Variants in CADPS2 observed in about 807,000 individuals in gnomAD.
The protein encoded by CADPS2 is calcium-dependent secretion activator 2.
In CADPS2, 93 loss-of-function variants were observed where a neutral mutation model predicts 172.5. The observed-to-expected ratio is 0.54, with a 90% CI of 0.46 to 0.64. CADPS2 has a LOEUF of 0.64. Among genes scored for constraint, CADPS2 ranks in the 30% least tolerant of loss-of-function variants. The probability of loss-of-function intolerance (pLI) is 0.00; values close to 1 mark genes in which losing one functional copy is unlikely to be tolerated. For synonymous variants in CADPS2, 546 were observed against 555.2 expected, an observed-to-expected ratio of 0.98 and a Z score of 0.23; for missense variants, 1,420 against 1,565.9, an observed-to-expected ratio of 0.91 and a Z score of 1.57.
At chr7:122,783,333 T>C (rs1319342153) in intron 1 of CADPS2, among the ~76,000 whole-genome samples, 1 of 152,186 alleles carries the variant, frequency 6.6e-6, no homozygotes, top group Non-Finnish European at 1.5e-5. Flanking sequence ...ATTTTATTCC[T>C]TCCATCTTAC....
intron 15 of CADPS2, among the ~76,000 whole-genome samples, chr7:122,450,520 C>T (rs2052928365): frequency 1.6e-5 from 2 of 126,212 alleles, no homozygotes; most frequent in Admixed American, 8.2e-5. Context: ...GTATTGGTGG[C>T]CTTTTTTTTT....
chr7:122,600,261 A>C (rs1386414933), intron 6 of CADPS2, among the ~76,000 whole-genome samples: 1 of 152,104 alleles, frequency 6.6e-6, no homozygotes, highest in Non-Finnish European at 1.5e-5. Context: ...TCAAAGCAAC[A>C]AAGCTAAGCT....
chr7:122,544,855 C>T (rs563430198), intron 8 of CADPS2, among the ~76,000 whole-genome samples: 29 of 152,230 alleles, frequency 1.9e-4, no homozygotes, highest in African/African-American at 7.0e-4. Context: ...TTTATGTGAT[C>T]AACCTACCAT....
At chr7:122,702,436 G>A (rs202050897) in intron 2 of CADPS2, 97 of 1,613,708 alleles carry the variant, frequency 6.0e-5, no homozygotes, top group African/African-American at 1.9e-4. Flanking sequence ...CTCCACGTTC[G>A]ATGAGGGCCA....
intron 18 of CADPS2, 87 bp from the exon 19 acceptor site, chr7:122,414,163 T>C (rs2047622505): frequency 1.1e-6 from 1 of 903,318 alleles, no homozygotes; most frequent in Non-Finnish European, 1.6e-6. Flanking sequence ...GTCATCATAA[T>C]AGTCCTATAT....
chr7:122,541,779 A>T lies in CADPS2; in HGVS notation c.1475+12771T>A, dbSNP rs892486794. Among the ~76,000 whole-genome samples, 26 of 141,962 alleles carry T rather than the reference A, an allele frequency of 1.8e-4. No individual in the cohort carries two copies. In the Admixed American group the frequency reaches 1.9e-3, roughly 10 times the overall value. The allele number at this position is 141,962 out of a possible 152,430, so 93.1% of individuals were successfully genotyped here. A position where few individuals can be genotyped will look rare whatever the true frequency, so the allele number is the denominator to read the frequency against. ...TTCATATATTTATATATTCACATAT[A>T]TTCATATATTTATATATTCATATAT... On this transcript the variant is annotated intron_variant, in intron 8 of 29. Coordinates refer to ENST00000449022, the MANE Select transcript of CADPS2 (RefSeq NM_017954.11).
At chr7:122,656,436 A>C (rs968752009) in intron 3 of CADPS2, among the ~76,000 whole-genome samples, 2 of 152,106 alleles carry the variant, frequency 1.3e-5, no homozygotes, top group Non-Finnish European at 2.9e-5. Context: ...AAAAACAAAA[A>C]ACAGAGAGAA....
chr7:122,765,815 AGG>A (rs2093531287), intron 1 of CADPS2, among the ~76,000 whole-genome samples: 2 of 152,148 alleles, frequency 1.3e-5, no homozygotes, highest in African/African-American at 4.8e-5. Context: ...TACTCCAGTT[AGG>A]TGACATTGCC....
chr7:122,418,114 G>C (rs1274376547), intron 17 of CADPS2, among the ~76,000 whole-genome samples: 2 of 151,126 alleles, frequency 1.3e-5, no homozygotes, highest in African/African-American at 2.4e-5. Context: ...AGGTTGCAGT[G>C]AGCCAATATC....
intron 2 of CADPS2, among the ~76,000 whole-genome samples, chr7:122,697,343 G>T (rs560269811): frequency 6.6e-6 from 1 of 152,136 alleles, no homozygotes; most frequent in South Asian, 2.1e-4. Context: ...CTATAAATAT[G>T]TTATCAAAAG....
At position 122,513,180 on chromosome 7, in the gene CADPS2, T is replaced by C. The variant is rs190532264; in HGVS notation, c.1542+69A>G. On this transcript the variant is annotated intron_variant, in intron 9 of 29. Coordinates refer to ENST00000449022, the MANE Select transcript of CADPS2 (RefSeq NM_017954.11). ...CTAAAACAGTAAATTTTGATAGATA[T>C]AACCCACATAAACAAATTTTGAGAA... is the stretch of plus-strand genomic sequence containing the variant. 6.7e-5 allele frequency: 68 copies of C among 1,022,544 alleles called. No homozygotes were observed. In the East Asian group the frequency reaches 1.5e-3, roughly 22 times the overall value. The allele number at this position is 1,022,544 out of a possible 1,614,324, so 63.3% of individuals were successfully genotyped here.
chr7:122,388,211 G>T (rs1457701807), intron 23 of CADPS2, among the ~76,000 whole-genome samples: 1 of 151,980 alleles, frequency 6.6e-6, no homozygotes, highest in African/African-American at 2.4e-5. Flanking sequence ...CCATTTCACA[G>T]CACACAGACA....
chr7:122,839,280 A>C (rs1300213128), intron 1 of CADPS2, among the ~76,000 whole-genome samples: 1 of 152,164 alleles, frequency 6.6e-6, no homozygotes, highest in Admixed American at 6.5e-5. Context: ...AAATTAATTC[A>C]AGATGGATTA....
intron 9 of CADPS2, among the ~76,000 whole-genome samples, chr7:122,505,870 C>T (rs571768170): frequency 6.6e-6 from 1 of 152,278 alleles, no homozygotes; most frequent in East Asian, 1.9e-4. Flanking sequence ...TATCCATCCC[C>T]TTTGCAAGGT....
intron 8 of CADPS2, among the ~76,000 whole-genome samples, chr7:122,548,762 C>T (rs1454286062): frequency 1.3e-5 from 2 of 152,132 alleles, no homozygotes; most frequent in South Asian, 4.1e-4. Flanking sequence ...ATTTTTAGAA[C>T]CTGAGCTTAT....
At chr7:122,742,460 A>T (rs1417086301) in intron 1 of CADPS2, among the ~76,000 whole-genome samples, 1 of 152,074 alleles carries the variant, frequency 6.6e-6, no homozygotes, top group East Asian at 1.9e-4. Flanking sequence ...CACTTTGAAA[A>T]CTATAAGATT....
chr7:122,658,010 C>T (rs1375042340), intron 3 of CADPS2, among the ~76,000 whole-genome samples: 1 of 152,002 alleles, frequency 6.6e-6, no homozygotes, highest in Non-Finnish European at 1.5e-5. Context: ...GGCTAATATC[C>T]AGAATCTACA....
intron 11 of CADPS2, among the ~76,000 whole-genome samples, chr7:122,489,323 T>C (rs893793843): frequency 6.6e-6 from 1 of 152,144 alleles, no homozygotes; most frequent in Admixed American, 6.6e-5. Flanking sequence ...CAAGATGTTA[T>C]TCCCTTTGAG....
At chr7:122,608,471 A>C (rs1424055615) in intron 6 of CADPS2, among the ~76,000 whole-genome samples, 2 of 152,190 alleles carry the variant, frequency 1.3e-5, no homozygotes, top group Admixed American at 6.5e-5. Context: ...TTGTAGCTGC[A>C]ATGTTCTTTC....
Sources: allele counts gnomAD v4.1 joint callset (sites outside exome capture counted in the v4.1 genomes callset), GRCh38; gene constraint gnomAD v4.1.1; transcripts MANE v1.5; gene names NCBI Gene and HGNC (gene_info 2026-07-23, HGNC 2026-07-21).